SLC7A2: variants seen among roughly 807,000 people sequenced by gnomAD.
SLC7A2 encodes solute carrier family 7 member 2, also known as cationic amino acid transporter 2.
In SLC7A2, 48 loss-of-function variants were observed where a neutral mutation model predicts 58.9. The ratio of observed to expected loss-of-function variants is 0.82; its 90% confidence interval spans 0.65 to 1.04. The LOEUF is 1.04. Ranked by LOEUF, SLC7A2 falls within the 50% of genes least tolerant of loss-of-function variation. The pLI, the probability that SLC7A2 is intolerant of heterozygous loss-of-function variation, is 0.00. For missense variants in SLC7A2, 1,029 were observed against 818.8 expected, an observed-to-expected ratio of 1.26 and a Z score of -3.13; for synonymous variants, 363 against 314.5, an observed-to-expected ratio of 1.15 and a Z score of -1.63.
At chr8:17,558,250 T>G in intron 8 of SLC7A2, 45 bp from the exon 9 acceptor site, 1 of 1,268,772 alleles carries the variant, frequency 7.9e-7, no homozygotes, top group Non-Finnish European at 1.2e-6. Context: ...GTATGGAATT[T>G]CCTCCTGGGC....
chr8:17,518,436 A>G (rs1347150795), intron 2 of SLC7A2, among the ~76,000 whole-genome samples: 2 of 152,088 alleles, frequency 1.3e-5, no homozygotes, highest in South Asian at 2.1e-4. Context: ...TAACTGGACT[A>G]TTTATTGGTA....
intron 2 of SLC7A2, among the ~76,000 whole-genome samples, chr8:17,517,534 G>A (rs561481592): frequency 3.9e-5 from 6 of 152,004 alleles, no homozygotes; most frequent in Non-Finnish European, 8.8e-5. Context: ...TAAATCATGG[G>A]AGATTTTTCT....
chr8:17,548,931 A>G (rs1802310014), intron 5 of SLC7A2, 88 bp downstream of exon 5: 2 of 1,081,414 alleles, frequency 1.8e-6, no homozygotes, highest in African/African-American at 3.2e-5. Context: ...CTCTGCTAAT[A>G]AAGACATACC....
intron 2 of SLC7A2, among the ~76,000 whole-genome samples, chr8:17,532,610 A>G (rs1801505565): frequency 6.6e-6 from 1 of 152,154 alleles, no homozygotes; most frequent in Admixed American, 6.6e-5. Flanking sequence ...TATGCAGTTA[A>G]TATAAAAATT....
At chr8:17,498,133 G>C (rs188466355) in intron 1 of SLC7A2, among the ~76,000 whole-genome samples, 4 of 152,306 alleles carry the variant, frequency 2.6e-5, no homozygotes, top group African/African-American at 9.6e-5. Flanking sequence ...GTAAATATTT[G>C]TGCAAAACTG....
intron 2 of SLC7A2, among the ~76,000 whole-genome samples, chr8:17,533,547 G>T (rs543494350): frequency 5.5e-4 from 83 of 152,276 alleles, no homozygotes; most frequent in Non-Finnish European, 9.6e-4. Context: ...GTGCAGGGTG[G>T]TGATTTGAAA....
intron 2 of SLC7A2, among the ~76,000 whole-genome samples, chr8:17,506,096 G>A (rs1800354130): frequency 6.6e-6 from 1 of 152,176 alleles, no homozygotes; most frequent in South Asian, 2.1e-4. Context: ...TAAATGCGTT[G>A]CATTTGTGGC....
chr8:17,533,744 C>G (rs558625555), intron 2 of SLC7A2, among the ~76,000 whole-genome samples: 1 of 152,330 alleles, frequency 6.6e-6, no homozygotes, highest in East Asian at 1.9e-4. Context: ...AAGTGAAGGT[C>G]ACTTCCCAAG....
At chr8:17,534,766 A>G (rs1366625000) in intron 2 of SLC7A2, among the ~76,000 whole-genome samples, 2 of 151,736 alleles carry the variant, frequency 1.3e-5, no homozygotes, top group Non-Finnish European at 2.9e-5. Flanking sequence ...TCAATCTGAC[A>G]TAATTTGTTG....
Position 17,551,973 on chromosome 8 carries a change from G to A in SLC7A2, c.1042G>A (p.Ala348Thr), listed in dbSNP as rs139867348. Residue 348 changes from alanine to threonine, a missense_variant, in exon 7 of 13, where the codon GCC (alanine) becomes ACC (threonine). Physicochemically the swap from Ala to Thr is moderately conservative, Grantham distance 58. Coordinates refer to ENST00000494857, the MANE Select transcript of SLC7A2 (RefSeq NM_001370338.1). ...KYVVAAGSLCALSTSLLGSIF... is the reference protein window; with the variant it reads ...KYVVAAGSLCTLSTSLLGSIF... ...TGTCGTCGCAGCTGGTTCTCTCTGCGCCTTGTCAACAAGGTACATTGCATC... is the reference window on the plus strand; with the variant it reads ...TGTCGTCGCAGCTGGTTCTCTCTGCACCTTGTCAACAAGGTACATTGCATC... The A allele has an allele frequency of 1.7e-5, 27 of 1,613,826 alleles. No individual in the cohort carries two copies. The highest frequency in any genetic ancestry group is 1.0e-4 in the Admixed American group (6 of 59,992).
intron 1 of SLC7A2, chr8:17,499,892 T>G (rs1284957506): frequency 6.6e-6 from 1 of 152,228 alleles, no homozygotes; most frequent in Non-Finnish European, 1.5e-5. Flanking sequence ...TTAATAACTT[T>G]TCATTTTAGT....
At chr8:17,551,339 C>G (rs192515935) in intron 6 of SLC7A2, among the ~76,000 whole-genome samples, 2 of 152,316 alleles carry the variant, frequency 1.3e-5, no homozygotes, top group Non-Finnish European at 2.9e-5. Flanking sequence ...GTGGCTCACG[C>G]CTGTAATCCC....
chr8:17,561,968 T>C lies in SLC7A2; in HGVS notation c.1529T>C (p.Val510Ala), dbSNP rs1475936805. ...FLAFLVLGLS[V>A]LTTYGVHAIT... ...GCTTTCCTCGTGTTGGGCCTGAGTGTCTTGACCACTTACGGAGTTCATGCC... is the reference window on the plus strand; with the variant it reads ...GCTTTCCTCGTGTTGGGCCTGAGTGCCTTGACCACTTACGGAGTTCATGCC... Residue 510 changes from valine to alanine, a missense_variant, in exon 11 of 13, where the codon GTC becomes GCC. By Grantham distance (64) the Val-to-Ala change is moderately conservative (BLOSUM62 0). Coordinates refer to ENST00000494857, the MANE Select transcript of SLC7A2 (RefSeq NM_001370338.1). 2 of 1,614,146 alleles carry C rather than the reference T, an allele frequency of 1.2e-6. No homozygotes were observed. The highest frequency in any genetic ancestry group is 1.1e-5 in the South Asian group (1 of 91,078).
chr8:17,546,480 A>T (rs1196338179), intron 4 of SLC7A2, among the ~76,000 whole-genome samples: 1 of 152,202 alleles, frequency 6.6e-6, no homozygotes. Context: ...CTTAGATGAG[A>T]TATTCATTGG....
chr8:17,499,980 T>G (rs1406965799), intron 1 of SLC7A2: 1 of 152,222 alleles, frequency 6.6e-6, no homozygotes, highest in African/African-American at 2.4e-5. Flanking sequence ...TTCAACAGTT[T>G]GAGAAAAGAT....
chr8:17,511,753 T>C (rs906436191), intron 2 of SLC7A2, among the ~76,000 whole-genome samples: 1 of 152,200 alleles, frequency 6.6e-6, no homozygotes, highest in Non-Finnish European at 1.5e-5. Flanking sequence ...CTGGGGGCTT[T>C]ACAATTCTAA....
At position 17,543,659 on chromosome 8, in the gene SLC7A2, T is replaced by G. The variant is rs1802024879; in HGVS notation, c.320T>G (p.Val107Gly). ...GCATATTTGTACACCTACGTGACTG[T>G]CGGAGAGCTGTGGGCCTTCATCACT... ...GSAYLYTYVT[V>G]GELWAFITGW... Residue 107 changes from valine (V) to glycine (G), a missense_variant, in exon 3 of 13, where the codon GTC becomes GGC. Val to Gly is a moderately radical substitution (Grantham distance 109). Coordinates refer to ENST00000494857, the MANE Select transcript of SLC7A2 (RefSeq NM_001370338.1). 3 of 1,540,844 alleles carry G rather than the reference T, an allele frequency of 1.9e-6. No individual in the cohort carries two copies. Among genetic ancestry groups the G allele is most frequent in the African/African-American group, 2.8e-5 (2 of 72,524 alleles).
chr8:17,518,472 G>A (rs1199374794), intron 2 of SLC7A2, among the ~76,000 whole-genome samples: 2 of 152,052 alleles, frequency 1.3e-5, no homozygotes, highest in African/African-American at 4.8e-5. Context: ...TCACTTTCTG[G>A]GATGTGGCAG....
At chr8:17,551,741 A>G (rs1802460066) in intron 6 of SLC7A2, 23 bp from the exon 7 acceptor site, 3 of 1,539,104 alleles carry the variant, frequency 1.9e-6, no homozygotes, top group Non-Finnish European at 2.7e-6. Context: ...AAGCATACAC[A>G]TCTTTTGTTT....
Sources: allele counts gnomAD v4.1 joint callset (sites outside exome capture counted in the v4.1 genomes callset), GRCh38; gene constraint gnomAD v4.1.1; transcripts MANE v1.5; gene names NCBI Gene and HGNC (gene_info 2026-07-23, HGNC 2026-07-21).